ANKFN1: variants seen among roughly 807,000 people sequenced by gnomAD.
The protein encoded by ANKFN1 is ankyrin repeat and fibronectin type-III domain-containing protein 1.
In ANKFN1, 74 loss-of-function variants were observed where a neutral mutation model predicts 108.7. That is an observed-to-expected ratio of 0.68 (90% CI 0.56 to 0.83). The LOEUF is 0.83. Ranked by LOEUF, ANKFN1 falls within the 40% of genes least tolerant of loss-of-function variation. The probability of loss-of-function intolerance (pLI) is 0.00; values close to 1 mark genes in which losing one functional copy is unlikely to be tolerated. For missense variants in ANKFN1, 1,505 were observed against 1,382.3 expected (o/e 1.09, Z -1.41); for synonymous variants, 547 against 516.2 (o/e 1.06, Z -0.81).
intron 1 of ANKFN1, among the ~76,000 whole-genome samples, chr17:56,210,986 T>G (rs1033347264): frequency 1.3e-5 from 2 of 152,326 alleles, no homozygotes; most frequent in African/African-American, 4.8e-5. Context: ...ATATCACTTA[T>G]AGATTCTGGA....
At chr17:56,236,799 A>G (rs954345241) in intron 3 of ANKFN1, among the ~76,000 whole-genome samples, 3 of 151,862 alleles carry the variant, frequency 2.0e-5, no homozygotes, top group African/African-American at 7.3e-5. Flanking sequence ...TTTTGCACCA[A>G]CCTAATACAT....
At chr17:56,460,357 G>A (rs181514990) in intron 14 of ANKFN1, among the ~76,000 whole-genome samples, 3 of 152,150 alleles carry the variant, frequency 2.0e-5, no homozygotes, top group Non-Finnish European at 2.9e-5. Context: ...GGAGTCTGAC[G>A]TGGGAGGATC....
intron 3 of ANKFN1, among the ~76,000 whole-genome samples, chr17:56,305,164 T>G (rs2044784582): frequency 6.6e-6 from 1 of 152,126 alleles, no homozygotes; most frequent in Non-Finnish European, 1.5e-5. Flanking sequence ...GAAAAGCCCC[T>G]TATGAAACCA....
In ANKFN1 at chr17:56,490,672, G is replaced by A. The variant is rs2145413158; in HGVS notation, c.2261-1515G>A. Among the ~76,000 whole-genome samples, 4 of 152,266 alleles carry A rather than the reference G, an allele frequency of 2.6e-5. 1 individual carries two copies. Among genetic ancestry groups the A allele is most frequent in the Admixed American group, 2.6e-4 (4 of 15,292 alleles). On this transcript the variant is annotated intron_variant, in intron 18 of 20. Transcript: ENST00000682825. ...AGCTCCATAGCTTGTCATTTACTGA[G>A]AGGGCATATGAAATCAGTTCTCTGT...
intron 4 of ANKFN1, among the ~76,000 whole-genome samples, chr17:56,063,088 G>C (rs896773297): frequency 7.9e-5 from 12 of 152,182 alleles, no homozygotes; most frequent in African/African-American, 2.9e-4. Flanking sequence ...TTTCTGCTGA[G>C]AGGTCCACTG....
intron 3 of ANKFN1, among the ~76,000 whole-genome samples, chr17:56,315,856 G>A (rs2045191013): frequency 6.6e-6 from 1 of 152,194 alleles, no homozygotes. Context: ...TCACACCAAT[G>A]TCTGTGAAGA....
At chr17:56,291,245 T>G (rs1403668385) in intron 3 of ANKFN1, among the ~76,000 whole-genome samples, 15 of 152,168 alleles carry the variant, frequency 9.9e-5, no homozygotes, top group Non-Finnish European at 1.5e-5. Flanking sequence ...TCAGAATCTT[T>G]TTTATATCTC....
chr17:56,451,606 A>G (rs1235119290), intron 11 of ANKFN1, among the ~76,000 whole-genome samples: 2 of 152,208 alleles, frequency 1.3e-5, no homozygotes, highest in African/African-American at 2.4e-5. Flanking sequence ...ATTATTGGGA[A>G]GAGGATTTCG....
rs2051278987 is a variant in ANKFN1 at position 56,498,741 on chromosome 17, TAAC to T, written c.2428-138_2428-136del. On this transcript the variant is annotated intron_variant, in intron 19 of 20. Transcript: ENST00000682825. ...ACAAAAAGAGAGGTATTTTCTGGCT[TAAC>T]AAATCTATGTTAAAAATATTTTACT... 4.3e-6 allele frequency: 3 copies of T among 695,146 alleles called. No individual in the cohort carries two copies. In the Admixed American group the frequency reaches 8.6e-5, roughly 20 times the overall value. 43.1% of individuals were successfully genotyped at this position (695,146 alleles called of 1,614,324 possible). A position where few individuals can be genotyped will look rare whatever the true frequency, so the allele number is the denominator to read the frequency against.
At chr17:56,397,922 C>G (rs1332654000) in intron 8 of ANKFN1, among the ~76,000 whole-genome samples, 1 of 152,104 alleles carries the variant, frequency 6.6e-6, no homozygotes, top group Non-Finnish European at 1.5e-5. Context: ...TTTCAAACAT[C>G]TATAGAAACT....
intron 1 of ANKFN1, among the ~76,000 whole-genome samples, chr17:56,209,861 T>A (rs1324024203): frequency 1.3e-5 from 2 of 152,114 alleles, no homozygotes; most frequent in Non-Finnish European, 2.9e-5. Context: ...ATTGTATCAT[T>A]CTTATGCCTC....
At chr17:56,250,891 A>G (rs562678794) in intron 3 of ANKFN1, among the ~76,000 whole-genome samples, 9 of 152,048 alleles carry the variant, frequency 5.9e-5, no homozygotes, top group Admixed American at 1.3e-4. Context: ...TTATACTTCA[A>G]CTCTTTCCAG....
intron 6 of ANKFN1, among the ~76,000 whole-genome samples, chr17:56,357,611 A>C (rs1183742076): frequency 6.6e-6 from 1 of 152,210 alleles, no homozygotes; most frequent in East Asian, 1.9e-4. Context: ...GCAGGATAGA[A>C]AAACATAGTG....
chr17:56,334,022 G>T, intron 4 of ANKFN1, among the ~76,000 whole-genome samples: 1 of 151,694 alleles, frequency 6.6e-6, no homozygotes, highest in Non-Finnish European at 1.5e-5. Context: ...CAAACCCCAT[G>T]GGATTTAATT....
intron 4 of ANKFN1, among the ~76,000 whole-genome samples, chr17:56,070,341 T>C (rs1905104796): frequency 6.6e-6 from 1 of 152,184 alleles, no homozygotes; most frequent in African/African-American, 2.4e-5. Context: ...TTCCTTGGCA[T>C]GGAGCTGTGT....
chr17:56,470,768 C>T (rs919727027), intron 15 of ANKFN1, among the ~76,000 whole-genome samples: 1 of 152,146 alleles, frequency 6.6e-6, no homozygotes, highest in African/African-American at 2.4e-5. Flanking sequence ...TTCTCAAATC[C>T]CAGGCCTTCA....
chr17:56,074,306 C>T (rs1175573633), intron 4 of ANKFN1, among the ~76,000 whole-genome samples: 1 of 152,180 alleles, frequency 6.6e-6, no homozygotes, highest in African/African-American at 2.4e-5. Context: ...CCTGCAGGGG[C>T]ACCCACGGCT....
At chr17:56,136,847 C>T (rs748317046) in intron 4 of ANKFN1, among the ~76,000 whole-genome samples, 4 of 152,150 alleles carry the variant, frequency 2.6e-5, no homozygotes, top group Non-Finnish European at 5.9e-5. Flanking sequence ...TAATCATATC[C>T]AGAGAAACAC....
chr17:56,327,939 G>A (rs1181638576), intron 4 of ANKFN1, among the ~76,000 whole-genome samples: 1 of 152,126 alleles, frequency 6.6e-6, no homozygotes, highest in Non-Finnish European at 1.5e-5. Flanking sequence ...AGGATGAGGG[G>A]ATACATGTCC....
Sources: allele counts gnomAD v4.1 joint callset (sites outside exome capture counted in the v4.1 genomes callset), GRCh38; gene constraint gnomAD v4.1.1; transcripts MANE v1.5; gene names NCBI Gene and HGNC (gene_info 2026-07-23, HGNC 2026-07-21).